SEC24D: variants seen among roughly 807,000 people sequenced by gnomAD.
SEC24D encodes the protein protein transport protein Sec24D.
Under a neutral mutation model 116.9 loss-of-function variants are expected in SEC24D, and 69 were observed. The observed-to-expected ratio is 0.59, with a 90% confidence interval of 0.49 to 0.72. The LOEUF (loss-of-function observed/expected upper bound fraction) is 0.72, where lower values mean the gene tolerates loss of function less well. Ranked by LOEUF, SEC24D falls within the 30% of genes least tolerant of loss-of-function variation. The pLI, the probability that SEC24D is intolerant of heterozygous loss-of-function variation, is 0.00. For missense variants in SEC24D, 1,131 were observed against 1,264.1 expected (o/e 0.89, Z 1.60); for synonymous variants, 405 against 442.8 (o/e 0.91, Z 1.07).
rs762008170 is a variant in SEC24D, at chr4:118,805,961, A to G, written c.802-7T>C. 3 of 1,575,640 alleles carry G rather than the reference A, an allele frequency of 1.9e-6. No individual in the cohort carries two copies. The highest frequency in any genetic ancestry group is 1.4e-5 in the African/African-American group (1 of 73,842). On this transcript the variant is annotated splice_region_variant and splice_polypyrimidine_tract_variant and intron_variant, in intron 6 of 22. Transcript: ENST00000280551. ...CATTCTCAATCACCTGGATCTGATAAATAAGACATCAAGAGCCCGTTAAAG... is the reference window on the plus strand; with the variant it reads ...CATTCTCAATCACCTGGATCTGATAGATAAGACATCAAGAGCCCGTTAAAG...
At chr4:118,782,651 T>A (rs1728468177) in intron 8 of SEC24D, among the ~76,000 whole-genome samples, 1 of 152,212 alleles carries the variant, frequency 6.6e-6, no homozygotes, top group African/African-American at 2.4e-5. Flanking sequence ...GACAGGGATG[T>A]TTAAGTCTGC....
Position 118,836,055 on chromosome 4 carries a change from C to A in SEC24D, c.-156G>T, listed in dbSNP as rs1281602651. 1 of 152,282 alleles carries A rather than the reference C, an allele frequency of 6.6e-6. No homozygotes were observed. The highest frequency in any genetic ancestry group is 2.4e-5 in the African/African-American group (1 of 41,466). 9.4% of individuals were successfully genotyped at this position (152,282 alleles called of 1,614,324 possible). A position where few individuals can be genotyped will look rare whatever the true frequency, so the allele number is the denominator to read the frequency against. The stretch of plus-strand genomic sequence containing the variant: ...GGTCGCTTCTCCCGCCGCGCCTCTT[C>A]CCCGGCCGGCGTCCCCTTAGCCTGG... On this transcript the variant is annotated 5_prime_UTR_variant, in exon 1 of 23. Transcript: ENST00000280551.
intron 4 of SEC24D, chr4:118,816,801 ATCTTC>A (rs562570680): frequency 1.1e-4 from 50 of 455,772 alleles, no homozygotes; most frequent in Non-Finnish European, 2.0e-4. Context: ...TTCCTCTCCT[ATCTTC>A]TCTTTTCTGC....
intron 8 of SEC24D, among the ~76,000 whole-genome samples, chr4:118,780,043 CA>C (rs1728325999): frequency 6.6e-6 from 1 of 152,020 alleles, no homozygotes; most frequent in African/African-American, 2.4e-5. Flanking sequence ...TTGATCTTTT[CA>C]AAAAACCAGC....
In SEC24D at chr4:118,725,301, T is replaced by C. The variant is rs138526541; in HGVS notation, c.2959-1646A>G. Among the ~76,000 whole-genome samples, 334 of 152,278 alleles carry C rather than the reference T, an allele frequency of 2.2e-3. 2 individuals are homozygous for C. The highest frequency in any genetic ancestry group is 7.5e-3 in the African/African-American group (312 of 41,558). On this transcript the variant is annotated intron_variant, in intron 22 of 22. Transcript: ENST00000280551. ...CCACTCCTACATGGGGAAGCAAAAC[T>C]AACCCTTAATGAGATTTCTCCAAAG...
intron 11 of SEC24D, among the ~76,000 whole-genome samples, chr4:118,753,203 A>G (rs974996059): frequency 3.9e-5 from 6 of 152,182 alleles, no homozygotes; most frequent in African/African-American, 1.4e-4. Flanking sequence ...TTTCATGAAT[A>G]AGCTAGGCTT....
At chr4:118,755,571 C>T (rs953298738) in intron 11 of SEC24D, among the ~76,000 whole-genome samples, 8 of 151,424 alleles carry the variant, frequency 5.3e-5, no homozygotes, top group African/African-American at 1.9e-4. Flanking sequence ...GTCTGGCGAC[C>T]TTGAGAGGCC....
chr4:118,819,913 T>C (rs1730324860), intron 3 of SEC24D, among the ~76,000 whole-genome samples: 1 of 152,214 alleles, frequency 6.6e-6, no homozygotes, highest in Admixed American at 6.5e-5. Context: ...CATCAGTTAT[T>C]ACTTTCAACT....
chr4:118,824,599 G>A, intron 3 of SEC24D, 21 bp downstream of exon 3: 1 of 1,593,874 alleles, frequency 6.3e-7, no homozygotes, highest in Non-Finnish European at 8.5e-7. Flanking sequence ...ACAAACGAAG[G>A]TTGGAATCTA....
chr4:118,779,938 C>T (rs1007766822), intron 8 of SEC24D, among the ~76,000 whole-genome samples: 5 of 152,110 alleles, frequency 3.3e-5, no homozygotes, highest in East Asian at 1.9e-4. Context: ...TCTGTGGGAT[C>T]GGTGGTGACA....
chr4:118,832,809 C>A (rs1730920370), intron 2 of SEC24D, among the ~76,000 whole-genome samples: 1 of 152,056 alleles, frequency 6.6e-6, no homozygotes, highest in African/African-American at 2.4e-5. Context: ...GAGAAATGAA[C>A]CACCAGTTAG....
intron 15 of SEC24D, among the ~76,000 whole-genome samples, chr4:118,743,356 TACAC>T (rs34621125): frequency 3.6e-4 from 51 of 142,974 alleles, no homozygotes; most frequent in Middle Eastern, 4.3e-3. Context: ...TATATATATA[TACAC>T]ACACACACAC....
Position 118,777,440 on chromosome 4 carries a change from T to C in SEC24D, c.1042-9129A>G, listed in dbSNP as rs183551329. ...TTCATCCATGACCCTAAAAAGGACA[T>C]AAACTCATCCTTTTTTATGGCTGCA... On this transcript the variant is annotated intron_variant, in intron 8 of 22. Coordinates refer to ENST00000280551, the MANE Select transcript of SEC24D (RefSeq NM_014822.4). 1.2e-4 allele frequency among the ~76,000 whole-genome samples: 19 copies of C among 152,330 alleles called. No individual in the cohort carries two copies. In the East Asian group the frequency reaches 3.5e-3, roughly 28 times the overall value.
intron 8 of SEC24D, 139 bp downstream of exon 8, chr4:118,797,544 C>T (rs1189931737): frequency 2.9e-6 from 2 of 682,880 alleles, no homozygotes; most frequent in East Asian, 5.9e-5. Flanking sequence ...CTGATGAATT[C>T]AATTACTAGA....
chr4:118,810,129 T>TGTGTGTGTGTGTGTGTGTGTG (rs1729854370), intron 6 of SEC24D, among the ~76,000 whole-genome samples: 1 of 123,270 alleles, frequency 8.1e-6, no homozygotes, highest in African/African-American at 2.6e-5. Context: ...TGTGTGTGTG[T>TGTGTGTGTGTGTGTGTGTGTG]GTGTGTGTCA....
chr4:118,764,938 A>C, intron 9 of SEC24D, 21 bp from the exon 10 acceptor site: 1 of 1,323,050 alleles, frequency 7.6e-7, no homozygotes, highest in African/African-American at 1.5e-5. Context: ...CAAAATAGGA[A>C]AGAAAATATT....
At chr4:118,775,364 AAG>A (rs1384117698) in intron 8 of SEC24D, among the ~76,000 whole-genome samples, 4 of 151,296 alleles carry the variant, frequency 2.6e-5, no homozygotes, top group East Asian at 3.9e-4. Context: ...AAAAAAAAAA[AAG>A]AAGAAATCTT....
At chr4:118,782,209 C>T (rs1202363378) in intron 8 of SEC24D, among the ~76,000 whole-genome samples, 4 of 152,160 alleles carry the variant, frequency 2.6e-5, no homozygotes, top group African/African-American at 9.7e-5. Flanking sequence ...TGGTTTCTCC[C>T]CATCTTTGTG....
rs1378455547 is a variant in SEC24D at position 118,738,344 on chromosome 4, T to C, written c.2413A>G (p.Ile805Val). 1 of 1,613,376 alleles carries C rather than the reference T, an allele frequency of 6.2e-7. No homozygotes were observed. The highest frequency in any genetic ancestry group is 1.1e-5 in the South Asian group (1 of 91,066). Residue 805 changes from isoleucine to valine, a missense_variant, in exon 19 of 23, where the codon ATC becomes GTC. Physicochemically the swap from Ile to Val is conservative, Grantham distance 29 (BLOSUM62 3). Transcript: ENST00000280551. ...KAVLHQPLKVIREILVNQTAH... is the reference protein window; with the variant it reads ...KAVLHQPLKVVREILVNQTAH... Reference sequence around the variant, plus strand: ...GTCTGATTAACTAGAATTTCCCGGATGACCTTCAAAGGCTGGTGGAGAACT... The same window carrying C: ...GTCTGATTAACTAGAATTTCCCGGACGACCTTCAAAGGCTGGTGGAGAACT...
Sources: gnomAD v4.1 joint callset for allele counts (sites outside exome capture counted in the v4.1 genomes callset) on GRCh38, gnomAD v4.1.1 for gene constraint, MANE v1.5 for transcripts, NCBI Gene and HGNC (gene_info 2026-07-23, HGNC 2026-07-21) for gene names.